The following SGF29 variants were observed in gnomAD, a reference collection of about 807,000 sequenced individuals.
SGF29 encodes the protein SAGA complex associated factor 29.
Under a neutral mutation model 38.1 loss-of-function variants are expected in SGF29, and 15 were observed. That is an observed-to-expected ratio of 0.39 (90% CI 0.26 to 0.61). The LOEUF (loss-of-function observed/expected upper bound fraction) is 0.61. SGF29 is among the 20% of genes least tolerant of loss of function. The probability of loss-of-function intolerance (pLI) is 0.49; values close to 1 mark genes in which losing one functional copy is unlikely to be tolerated. For synonymous variants in SGF29, 151 were observed against 160.8 expected (o/e 0.94, Z 0.46); for missense variants, 184 against 394.6 (o/e 0.47, Z 4.52).
chr16:28,564,677 A>ATATATG (rs2046818907), intron 1 of SGF29, among the ~76,000 whole-genome samples: 2 of 90,534 alleles, frequency 2.2e-5, no homozygotes, highest in Non-Finnish European at 4.4e-5. Context: ...ATATATATGT[A>ATATATG]TATATATGTG....
At position 28,563,346 on chromosome 16, in the gene SGF29, A is replaced by T. The variant is rs114704220; in HGVS notation, c.-16+9249A>T. ...GGTCCACTTTGAAAGTTCGTGGCTGATGGGATCCAGGGATAGCAAGAGCTT... is the reference window on the plus strand; with the variant it reads ...GGTCCACTTTGAAAGTTCGTGGCTGTTGGGATCCAGGGATAGCAAGAGCTT... On this transcript the variant is annotated intron_variant, in intron 1 of 9. Coordinates refer to ENST00000317058, the MANE Select transcript of SGF29 (RefSeq NM_138414.3). 3.4e-3 allele frequency among the ~76,000 whole-genome samples: 513 copies of T among 152,254 alleles called. 3 individuals carry two copies. The highest frequency in any genetic ancestry group is 0.012 in the African/African-American group (488 of 41,554).
chr16:28,555,901 A>G (rs142395727), intron 1 of SGF29, among the ~76,000 whole-genome samples: 30 of 152,314 alleles, frequency 2.0e-4, no homozygotes, highest in Admixed American at 3.3e-4. Flanking sequence ...TGAAGTCGTG[A>G]CACAACTTGG....
intron 3 of SGF29, chr16:28,585,383 G>T (rs535852887): frequency 5.3e-6 from 3 of 565,270 alleles, no homozygotes; most frequent in Non-Finnish European, 6.3e-6. Flanking sequence ...CCTGGGTCCT[G>T]ACAAATATTT....
chr16:28,569,779 C>T (rs751134502), intron 1 of SGF29, among the ~76,000 whole-genome samples: 5 of 152,154 alleles, frequency 3.3e-5, no homozygotes, highest in Non-Finnish European at 7.4e-5. Flanking sequence ...AGGATGACCC[C>T]GAAGGCATGT....
At position 28,576,622 on chromosome 16, in the gene SGF29, CGA is replaced by C. The variant is rs1279397539; in HGVS notation, c.-15-4427_-15-4426del. ...GGCTGAGGCAGGAGAATTGCTTGAA[CGA>C]GAGAGGCAGAGATTGCAGTGAGCCG... On this transcript the variant is annotated intron_variant, in intron 1 of 9. Transcript: ENST00000317058. Among the ~76,000 whole-genome samples the C allele has an allele frequency of 2.6e-5, 4 of 151,034 alleles. No individual in the cohort carries two copies. In the East Asian group the frequency reaches 7.9e-4, roughly 30 times the overall value.
At chr16:28,567,082 T>G (rs1380599941) in intron 1 of SGF29, among the ~76,000 whole-genome samples, 2 of 152,224 alleles carry the variant, frequency 1.3e-5, no homozygotes, top group African/African-American at 4.8e-5. Context: ...TTTAAAAATA[T>G]TATTTTTTTA....
chr16:28,591,711 G>A lies in SGF29; in HGVS notation c.*5G>A, dbSNP rs555254049. 15 of 1,599,772 alleles carry A rather than the reference G, an allele frequency of 9.4e-6. No homozygotes were observed. Among genetic ancestry groups the A allele is most frequent in the South Asian group, 3.3e-5 (3 of 90,762 alleles). ...AAGGAACCCAAGAAAAAGTGATGCC[G>A]CCTGGCAGACTCGCCATCCCCCAAC... On this transcript the variant is annotated 3_prime_UTR_variant, in exon 10 of 10. Coordinates refer to ENST00000317058, the MANE Select transcript of SGF29 (RefSeq NM_138414.3).
intron 1 of SGF29, among the ~76,000 whole-genome samples, chr16:28,564,553 A>ATATATATATACGTATATATATACG (rs770445898): frequency 9.2e-6 from 1 of 108,732 alleles, no homozygotes; most frequent in Non-Finnish European, 1.8e-5. Flanking sequence ...ATATATACGT[A>ATATATATATACGTATATATATACG]TATATATATA....
rs190012453 is a variant in SGF29, at chr16:28,562,237, C to T, written c.-16+8140C>T. On this transcript the variant is annotated intron_variant, in intron 1 of 9. Transcript: ENST00000317058. ...CGTTCACTAAGTGCATGCTCTGGGC[C>T]GGCCACTGCCTAGGACCTTTCTTAG... is the stretch of plus-strand genomic sequence containing the variant. Among the ~76,000 whole-genome samples, 797 of 152,278 alleles carry T rather than the reference C, an allele frequency of 5.2e-3. 3 individuals are homozygous for T. The highest frequency in any genetic ancestry group is 8.8e-3 in the Non-Finnish European group (598 of 68,020).
Position 28,590,293 on chromosome 16 carries a change from C to T in SGF29, c.420-3C>T. 6.2e-7 allele frequency: 1 copy of T among 1,608,828 alleles called. No individual in the cohort carries two copies. Among genetic ancestry groups the T allele is most frequent in the Admixed American group, 1.7e-5 (1 of 58,922 alleles). The stretch of plus-strand genomic sequence containing the variant: ...TGGGACTGACCCTTTGTTCCACTCA[C>T]AGGCCCCCACCCCTCTGTGGGGCCA... On this transcript the variant is annotated splice_region_variant and splice_polypyrimidine_tract_variant and intron_variant, in intron 6 of 9. Transcript: ENST00000317058. The surrounding 1 kb of genome is among the most constrained non-coding windows in gnomAD (Gnocchi z 8.2).
intron 2 of SGF29, 65 bp from the exon 3 acceptor site, chr16:28,584,848 G>C: frequency 8.2e-7 from 1 of 1,217,172 alleles, no homozygotes; most frequent in South Asian, 1.3e-5. Context: ...ACTCTGGCCT[G>C]GCTGGCAGGG....
intron 1 of SGF29, among the ~76,000 whole-genome samples, chr16:28,570,414 C>G (rs577002780): frequency 6.6e-6 from 1 of 152,254 alleles, no homozygotes; most frequent in African/African-American, 2.4e-5. Context: ...CTATGCCTGT[C>G]CCACCGTTGT....
At chr16:28,572,667 G>A (rs758859735) in intron 1 of SGF29, among the ~76,000 whole-genome samples, 5 of 152,196 alleles carry the variant, frequency 3.3e-5, no homozygotes, top group Non-Finnish European at 5.9e-5. Context: ...TCAGGCAAGC[G>A]CAGCCTTGAG....
At chr16:28,572,426 G>A (rs1455203723) in intron 1 of SGF29, among the ~76,000 whole-genome samples, 2 of 152,062 alleles carry the variant, frequency 1.3e-5, no homozygotes, top group African/African-American at 4.8e-5. Context: ...CGGCCACCAC[G>A]CCTGGCTAAC....
chr16:28,565,399 G>A (rs2046830223), intron 1 of SGF29, among the ~76,000 whole-genome samples: 1 of 152,208 alleles, frequency 6.6e-6, no homozygotes, highest in African/African-American at 2.4e-5. Flanking sequence ...AAGCAGGTGT[G>A]CAGTGCAGCA....
At position 28,590,923 on chromosome 16, in the gene SGF29, G is replaced by GC. The variant is rs369991011; in HGVS notation, c.758dup (p.Gln254ThrfsTer6). The GC allele has an allele frequency of 1.2e-6, 2 of 1,609,878 alleles. No individual in the cohort carries two copies. ...GCTTCTACCGCGCCCTGATCCATGC[G>GC]CCCCCACAGCGGGTAAAGCAGCCTC... On this transcript the variant is annotated frameshift_variant, in exon 9 of 10. Coordinates refer to ENST00000317058, the MANE Select transcript of SGF29 (RefSeq NM_138414.3). LOFTEE classifies it high-confidence loss of function. The surrounding 1 kb of genome is among the most constrained non-coding windows in gnomAD (Gnocchi z 8.2).
At chr16:28,586,300 A>T (rs553544105) in intron 4 of SGF29, among the ~76,000 whole-genome samples, 2 of 152,302 alleles carry the variant, frequency 1.3e-5, no homozygotes, top group African/African-American at 2.4e-5. Context: ...CATGCCTGCA[A>T]TCGCAAGGTG....
chr16:28,579,958 A>G (rs893597136), intron 1 of SGF29, among the ~76,000 whole-genome samples: 12 of 152,066 alleles, frequency 7.9e-5, no homozygotes, highest in Non-Finnish European at 4.4e-5. Flanking sequence ...TCTTCCCACT[A>G]TAGTAAGAAA....
At chr16:28,570,445 G>A (rs1209057253) in intron 1 of SGF29, among the ~76,000 whole-genome samples, 2 of 152,126 alleles carry the variant, frequency 1.3e-5, no homozygotes, top group Middle Eastern at 3.2e-3. Context: ...CACATAACAC[G>A]TTTGATTTCA....
Sources: allele counts gnomAD v4.1 joint callset (sites outside exome capture counted in the v4.1 genomes callset), GRCh38; gene constraint gnomAD v4.1.1; non-coding constraint Gnocchi (gnomAD v3.1); transcripts MANE v1.5; gene names NCBI Gene and HGNC (gene_info 2026-07-23, HGNC 2026-07-21).